Variants in FMNL2 observed in about 807,000 individuals in gnomAD.
The protein encoded by FMNL2 is formin-like protein 2.
A neutral mutation model predicts 130.2 loss-of-function variants in FMNL2; 51 were observed. The ratio of observed to expected loss-of-function variants is 0.39; its 90% CI spans 0.31 to 0.49. FMNL2 has a LOEUF of 0.49. Ranked by LOEUF, FMNL2 falls within the 20% of genes least tolerant of loss-of-function variation. The pLI is 0.85. For missense variants in FMNL2, 977 were observed against 1,316.2 expected (o/e 0.74, Z 3.99); for synonymous variants, 465 against 467.1 (o/e 1.00, Z 0.06).
At chr2:152,373,685 T>C (rs1047446703) in intron 1 of FMNL2, among the ~76,000 whole-genome samples, 1 of 151,756 alleles carries the variant, frequency 6.6e-6, no homozygotes, top group Non-Finnish European at 1.5e-5. Context: ...TGTGGCAAAT[T>C]CAAGTTTTGG....
At chr2:152,422,041 C>G (rs553679743) in intron 1 of FMNL2, among the ~76,000 whole-genome samples, 1 of 152,260 alleles carries the variant, frequency 6.6e-6, no homozygotes, top group South Asian at 2.1e-4. Flanking sequence ...GCCATGCAGG[C>G]TGAATTTGAA....
intron 2 of FMNL2, among the ~76,000 whole-genome samples, chr2:152,533,360 A>G (rs982382557): frequency 1.3e-5 from 2 of 152,034 alleles, no homozygotes; most frequent in Non-Finnish European, 2.9e-5. Flanking sequence ...TTTCAGCACA[A>G]TTTATTTAAT....
intron 1 of FMNL2, among the ~76,000 whole-genome samples, chr2:152,475,928 T>G (rs1306594434): frequency 6.6e-6 from 1 of 152,246 alleles, no homozygotes; most frequent in Non-Finnish European, 1.5e-5. Context: ...ACCCCATAAA[T>G]AGACACAATG....
At chr2:152,621,389 A>T (rs1204622974) in intron 15 of FMNL2, among the ~76,000 whole-genome samples, 1 of 152,110 alleles carries the variant, frequency 6.6e-6, no homozygotes, top group African/African-American at 2.4e-5. Context: ...CTATTTATTA[A>T]TTGTTTTGCT....
intron 1 of FMNL2, among the ~76,000 whole-genome samples, chr2:152,345,089 G>C (rs1052667884): frequency 6.6e-6 from 1 of 151,254 alleles, no homozygotes; most frequent in Admixed American, 6.6e-5. Context: ...CTGGAACTGA[G>C]AGGATAGTAG....
intron 9 of FMNL2, among the ~76,000 whole-genome samples, chr2:152,588,809 C>A (rs531603826): frequency 1.3e-5 from 2 of 152,122 alleles, no homozygotes; most frequent in African/African-American, 4.8e-5. Flanking sequence ...TGCCACACAG[C>A]CTAAAGGGAG....
chr2:152,386,412 C>T (rs1684782696), intron 1 of FMNL2, among the ~76,000 whole-genome samples: 1 of 152,194 alleles, frequency 6.6e-6, no homozygotes, highest in Non-Finnish European at 1.5e-5. Flanking sequence ...CATCTTCTCC[C>T]TGAGAATGTT....
chr2:152,619,555 C>CCCCCTCCTCCACCT lies in FMNL2; in HGVS notation c.1676_1677insCCTCCTCCACCTCC (p.Pro560LeufsTer33). 1 of 669,284 alleles carries CCCCCTCCTCCACCT rather than the reference C, an allele frequency of 1.5e-6. No homozygotes were observed. Among genetic ancestry groups the CCCCCTCCTCCACCT allele is most frequent in the Non-Finnish European group, 2.1e-6 (1 of 467,592 alleles). The allele number at this position is 669,284 out of a possible 1,614,324, so 41.5% of individuals were successfully genotyped here. A position where few individuals can be genotyped will look rare whatever the true frequency, so the allele number is the denominator to read the frequency against. ...CACCTATGCCACCGCCGCCGCCGCCCCCTCCTCCACCTCCTCCTCCCCCAC... is the reference window on the plus strand; with the variant it reads ...CACCTATGCCACCGCCGCCGCCGCCCCCCCTCCTCCACCTCCTCCTCCACCTCCTCCTCCCCCAC... On this transcript the variant is annotated frameshift_variant, in exon 15 of 26. Transcript: ENST00000288670. LOFTEE classifies it high-confidence loss of function.
At chr2:152,593,838 G>GGA (rs147035875) in intron 9 of FMNL2, among the ~76,000 whole-genome samples, 1,677 of 84,618 alleles carry the variant, frequency 0.02, 21 homozygotes, top group East Asian at 0.026. Flanking sequence ...AGGTGACTAG[G>GGA]GAGAGAGAGA....
At chr2:152,485,772 C>G (rs974845251) in intron 1 of FMNL2, among the ~76,000 whole-genome samples, 1 of 152,162 alleles carries the variant, frequency 6.6e-6, no homozygotes, top group Non-Finnish European at 1.5e-5. Context: ...AGCGGCATCT[C>G]CATTTCGCCT....
In FMNL2 at chr2:152,589,505, G is replaced by A. The variant is rs73969202; in HGVS notation, c.876+8456G>A. Among the ~76,000 whole-genome samples the A allele has an allele frequency of 1.5e-3, 227 of 152,298 alleles. 2 individuals are homozygous for A. Among genetic ancestry groups the A allele is most frequent in the African/African-American group, 5.2e-3 (218 of 41,558 alleles). ...CAAGAGAAAGCAGTGAGAGCTGAGTGTTATTTTAAACCCTGCAGAACTTGA... is the reference window on the plus strand; with the variant it reads ...CAAGAGAAAGCAGTGAGAGCTGAGTATTATTTTAAACCCTGCAGAACTTGA... On this transcript the variant is annotated intron_variant, in intron 9 of 25. Transcript: ENST00000288670.
intron 2 of FMNL2, among the ~76,000 whole-genome samples, chr2:152,531,783 G>A (rs1056129741): frequency 1.3e-5 from 2 of 152,180 alleles, no homozygotes; most frequent in African/African-American, 4.8e-5. Flanking sequence ...CTAAGGGGAA[G>A]GCATACAGTG....
At chr2:152,438,751 C>G (rs1272368577) in intron 1 of FMNL2, among the ~76,000 whole-genome samples, 1 of 152,072 alleles carries the variant, frequency 6.6e-6, no homozygotes, top group African/African-American at 2.4e-5. Flanking sequence ...TCTGAGTAAA[C>G]AATCAGGCTA....
chr2:152,637,660 G>A lies in FMNL2; in HGVS notation c.2932G>A (p.Val978Met). Residue 978 changes from valine (V) to methionine (M), a missense_variant, in exon 23 of 26, where the codon GTG (valine) becomes ATG (methionine). By Grantham distance (21) the Val-to-Met change is conservative (BLOSUM62 1). Coordinates refer to ENST00000288670, the MANE Select transcript of FMNL2 (RefSeq NM_052905.4). ...CTTCTTTCCTGTCTTTGTCCGGTTT[G>A]TGAAAGCATATAAGGTATATGTTAA... ...SVFFPVFVRF[V>M]KAYKQAEEEN... 1 of 1,613,960 alleles carries A rather than the reference G, an allele frequency of 6.2e-7. No homozygotes were observed. Among genetic ancestry groups the A allele is most frequent in the Non-Finnish European group, 8.5e-7 (1 of 1,179,844 alleles).
chr2:152,593,890 T>A (rs1026112913), intron 9 of FMNL2, among the ~76,000 whole-genome samples: 4 of 112,408 alleles, frequency 3.6e-5, no homozygotes, highest in African/African-American at 1.3e-4. Context: ...TGTGTGTGTG[T>A]GTGTGTGTGT....
Position 152,335,418 on chromosome 2 carries a change from G to C in FMNL2, c.-186G>C, listed in dbSNP as rs887397255. 10 of 318,672 alleles carry C rather than the reference G, an allele frequency of 3.1e-5. No individual in the cohort carries two copies. In the Admixed American group the frequency reaches 4.1e-4, roughly 13 times the overall value. The allele number at this position is 318,672 out of a possible 1,614,324, so 19.7% of individuals were successfully genotyped here. On this transcript the variant is annotated 5_prime_UTR_variant, in exon 1 of 26. Coordinates refer to ENST00000288670, the MANE Select transcript of FMNL2 (RefSeq NM_052905.4). ...GCGGCGGAGAGCATGAGGGAGGCCG[G>C]GGGGCGGCTCGGCTTGGAGCGCTGC...
chr2:152,608,390 G>C (rs1377017805), intron 10 of FMNL2, among the ~76,000 whole-genome samples: 2 of 124,264 alleles, frequency 1.6e-5, no homozygotes, highest in Admixed American at 1.6e-4. Flanking sequence ...AAAAAAAAAA[G>C]TTTGGAGTCC....
chr2:152,574,219 C>T (rs116528926), intron 6 of FMNL2, among the ~76,000 whole-genome samples: 1,695 of 152,196 alleles, frequency 0.011, 32 homozygotes, highest in African/African-American at 0.038. Flanking sequence ...AGGTGGATCA[C>T]GAGATCAAGA....
At position 152,364,279 on chromosome 2, in the gene FMNL2, T is replaced by G. The variant is rs1390307775; in HGVS notation, c.117+28559T>G. On this transcript the variant is annotated intron_variant, in intron 1 of 25. Transcript: ENST00000288670. ...TTTGTGTGTTTTTTTTTTTTTTTTT[T>G]TTTTTTTTTTTTTACCAGATCCTTA... is the stretch of plus-strand genomic sequence containing the variant. Among the ~76,000 whole-genome samples the G allele has an allele frequency of 8.2e-3, 1,215 of 148,630 alleles. 13 individuals are homozygous for G. Among genetic ancestry groups the G allele is most frequent in the Non-Finnish European group, 0.012 (829 of 67,230 alleles).
Sources: gnomAD v4.1 joint callset for allele counts (sites outside exome capture counted in the v4.1 genomes callset) on GRCh38, gnomAD v4.1.1 for gene constraint, MANE v1.5 for transcripts, NCBI Gene and HGNC (gene_info 2026-07-23, HGNC 2026-07-21) for gene names.